Variants in NAPA observed in about 807,000 individuals in gnomAD.
The protein encoded by NAPA is alpha-soluble NSF attachment protein.
A neutral mutation model predicts 48.0 loss-of-function variants in NAPA; 18 were observed. The ratio of observed to expected loss-of-function variants is 0.38; its 90% CI spans 0.26 to 0.56. The LOEUF is 0.56. Among genes scored for constraint, NAPA ranks in the 20% least tolerant of loss-of-function variants. The pLI is 0.77. For missense variants in NAPA, 315 were observed against 385.0 expected (o/e 0.82, Z 1.52); for synonymous variants, 152 against 149.9 (o/e 1.01, Z -0.10).
chr19:47,514,416 G>T (rs890045600), intron 1 of NAPA, among the ~76,000 whole-genome samples: 2 of 151,928 alleles, frequency 1.3e-5, no homozygotes, highest in East Asian at 3.9e-4. Context: ...CCTTCAAACA[G>T]ACTCCCCTAG....
chr19:47,508,512 C>T (rs1968738813), intron 1 of NAPA, among the ~76,000 whole-genome samples: 1 of 152,214 alleles, frequency 6.6e-6, no homozygotes, highest in African/African-American at 2.4e-5. Flanking sequence ...AGGCTAACTG[C>T]CCAGCTCTGA....
At chr19:47,505,035 C>A (rs1968667092) in intron 1 of NAPA, among the ~76,000 whole-genome samples, 1 of 152,174 alleles carries the variant, frequency 6.6e-6, no homozygotes, top group Non-Finnish European at 1.5e-5. Context: ...TGGGGGACCT[C>A]ATTAGTACCT....
intron 1 of NAPA, among the ~76,000 whole-genome samples, chr19:47,511,629 G>A (rs1223066870): frequency 6.6e-6 from 1 of 152,226 alleles, no homozygotes; most frequent in Admixed American, 6.5e-5. Flanking sequence ...AAGGGGCTAA[G>A]TGAGAAGGCT....
rs1968881250 is a variant in NAPA, at chr19:47,515,043, G to A, written c.-103C>T. The A allele has an allele frequency of 8.4e-7, 1 of 1,183,498 alleles. No individual in the cohort carries two copies. The highest frequency in any genetic ancestry group is 1.2e-6 in the Non-Finnish European group (1 of 839,728). 73.3% of individuals were successfully genotyped at this position (1,183,498 alleles called of 1,614,324 possible). ...AGATCGGTAAAACTCGCCCGGCTGC[G>A]TTGACGTCGCACCGGCGCGCGTCGC... On this transcript the variant is annotated 5_prime_UTR_variant, in exon 1 of 11. In the 5' UTR this introduces an upstream ATG that the reference lacks. Transcript: ENST00000263354.
At position 47,493,300 on chromosome 19, in the gene NAPA, C is replaced by A; in HGVS notation, c.420+116G>T. 1 of 1,489,234 alleles carries A rather than the reference C, an allele frequency of 6.7e-7. No individual in the cohort carries two copies. The highest frequency in any genetic ancestry group is 9.3e-7 in the Non-Finnish European group (1 of 1,080,750). 92.3% of individuals were successfully genotyped at this position (1,489,234 alleles called of 1,614,324 possible). On this transcript the variant is annotated intron_variant, in intron 5 of 10. Coordinates refer to ENST00000263354, the MANE Select transcript of NAPA (RefSeq NM_003827.4). This position sits in a 1 kb window ranked among gnomAD's most constrained non-coding sequence, Gnocchi z 6.4. ...CCAGACCCCATTCTCCAAGCTCTGC[C>A]GGCGCCCCATGCCCCCTTCTCGGCA...
At chr19:47,490,284 ATG>A (rs900244521) in intron 9 of NAPA, among the ~76,000 whole-genome samples, 4 of 119,410 alleles carry the variant, frequency 3.3e-5, no homozygotes, top group Non-Finnish European at 6.8e-5. Context: ...GTACTGTGCA[ATG>A]TGTTTTGTGT....
chr19:47,491,685 C>T (rs139187719), intron 8 of NAPA, among the ~76,000 whole-genome samples: 4 of 152,334 alleles, frequency 2.6e-5, no homozygotes, highest in African/African-American at 9.6e-5. Context: ...AAGGGACTCT[C>T]GTCCCAGCCT....
At chr19:47,486,354 CA>C (rs575376324), downstream of NAPA, among the ~76,000 whole-genome samples, 909 of 144,228 alleles carry the variant, frequency 6.3e-3, 12 homozygotes, top group African/African-American at 0.022. Context: ...GACTCTGTCT[CA>C]AAAAAAAAAC....
At chr19:47,509,868 C>A (rs543259143) in intron 1 of NAPA, among the ~76,000 whole-genome samples, 1 of 152,344 alleles carries the variant, frequency 6.6e-6, no homozygotes, top group African/African-American at 2.4e-5. Context: ...AACGGGATTA[C>A]ATTTCACCAC....
At chr19:47,501,847 G>A (rs1050041343) in intron 2 of NAPA, among the ~76,000 whole-genome samples, 5 of 152,186 alleles carry the variant, frequency 3.3e-5, no homozygotes, top group Non-Finnish European at 7.3e-5. Context: ...AAGAGGACCA[G>A]GAGGCCTGGC....
chr19:47,490,308 CGTGTGTGTGTA>C (rs1338284353), intron 9 of NAPA, among the ~76,000 whole-genome samples: 2 of 121,140 alleles, frequency 1.7e-5, no homozygotes, highest in African/African-American at 3.3e-5. Flanking sequence ...AGGGGTGTGT[CGTGTGTGTGTA>C]GTGTGTGTGC....
chr19:47,492,720 G>C (rs1250687758), intron 7 of NAPA: 2 of 665,356 alleles, frequency 3.0e-6, no homozygotes, highest in Admixed American at 4.1e-5. Context: ...AGCTCTGCGA[G>C]GGGTGTGGGA....
intron 4 of NAPA, among the ~76,000 whole-genome samples, chr19:47,494,146 T>C (rs146681974): frequency 7.2e-5 from 11 of 152,354 alleles, no homozygotes; most frequent in African/African-American, 2.6e-4. Context: ...GGCAAGGCCC[T>C]GGGCTCAGCC....
At chr19:47,513,133 A>C (rs1968836688) in intron 1 of NAPA, among the ~76,000 whole-genome samples, 1 of 150,460 alleles carries the variant, frequency 6.6e-6, no homozygotes, top group African/African-American at 2.5e-5. Flanking sequence ...CTCCCACACC[A>C]CCGCCCCCTG....
At chr19:47,496,961 C>T (rs906229265) in intron 3 of NAPA, 13 of 379,402 alleles carry the variant, frequency 3.4e-5, no homozygotes, top group Non-Finnish European at 6.0e-5. Flanking sequence ...GCTGACAGAC[C>T]GAGACTGTGG....
Position 47,503,159 on chromosome 19 carries a change from A to G in NAPA, c.178+264T>C, listed in dbSNP as rs190211057. Among the ~76,000 whole-genome samples the G allele has an allele frequency of 1.7e-3, 259 of 152,250 alleles. 1 individual carries two copies. Among genetic ancestry groups the G allele is most frequent in the African/African-American group, 5.9e-3 (247 of 41,582 alleles). On this transcript the variant is annotated intron_variant, in intron 2 of 10. Coordinates refer to ENST00000263354, the MANE Select transcript of NAPA (RefSeq NM_003827.4). ...TTCTGAATTTAAGGAGGACTCTAAG[A>G]GCTCATCAATCCACATGGGTTTATC... is the stretch of plus-strand genomic sequence containing the variant.
chr19:47,514,926 C>T lies in NAPA; in HGVS notation c.15G>A (p.Gly5=). The T allele has an allele frequency of 2.5e-6, 4 of 1,613,942 alleles. No homozygotes were observed. Among genetic ancestry groups the T allele is most frequent in the Non-Finnish European group, 3.4e-6 (4 of 1,179,980 alleles). MDNS[G]KEAEAMALLA... Reference sequence around the variant, plus strand: ...ACAGCGCCATCGCCTCCGCTTCCTTCCCGGAATTGTCCATGGCGGCCACAA... The same window carrying T: ...ACAGCGCCATCGCCTCCGCTTCCTTTCCGGAATTGTCCATGGCGGCCACAA... Residue 5 remains glycine, a synonymous_variant, in exon 1 of 11, where the codon GGG becomes GGA. Coordinates refer to ENST00000263354, the MANE Select transcript of NAPA (RefSeq NM_003827.4).
chr19:47,502,431 T>C (rs1341892597), intron 2 of NAPA, among the ~76,000 whole-genome samples: 2 of 151,972 alleles, frequency 1.3e-5, no homozygotes, highest in Non-Finnish European at 2.9e-5. Flanking sequence ...AGCATAAAAA[T>C]ACAAAAAACA....
At chr19:47,490,364 G>T (rs864927) in intron 9 of NAPA, among the ~76,000 whole-genome samples, 2 of 147,166 alleles carry the variant, frequency 1.4e-5, no homozygotes, top group Non-Finnish European at 3.0e-5. Flanking sequence ...TGCTGTGTGT[G>T]GTGTGTGTGT....
Sources: allele counts gnomAD v4.1 joint callset (sites outside exome capture counted in the v4.1 genomes callset), GRCh38; gene constraint gnomAD v4.1.1; non-coding constraint Gnocchi (gnomAD v3.1); transcripts MANE v1.5; gene names NCBI Gene and HGNC (gene_info 2026-07-23, HGNC 2026-07-21).